Variants in MAP7 observed in about 807,000 individuals in gnomAD.
MAP7 encodes ensconsin.
In MAP7, 52 loss-of-function variants were observed where a neutral mutation model predicts 94.8. The observed-to-expected ratio is 0.55, with a 90% CI of 0.44 to 0.69. The LOEUF is 0.69. MAP7 is among the 30% of genes least tolerant of loss of function. MAP7 has a pLI of 0.00. For synonymous variants in MAP7, 350 were observed against 357.0 expected, an observed-to-expected ratio of 0.98 and a Z score of 0.22; for missense variants, 940 against 964.6, an observed-to-expected ratio of 0.97 and a Z score of 0.34.
intron 1 of MAP7, among the ~76,000 whole-genome samples, chr6:136,463,302 T>C (rs1003409417): frequency 6.6e-6 from 1 of 152,230 alleles, no homozygotes; most frequent in Non-Finnish European, 1.5e-5. Flanking sequence ...AATTTACTGC[T>C]CACAGTAAGA....
At chr6:136,403,490 A>G (rs1784744062) in intron 3 of MAP7, among the ~76,000 whole-genome samples, 1 of 152,232 alleles carries the variant, frequency 6.6e-6, no homozygotes, top group South Asian at 2.1e-4. Flanking sequence ...CTCTAGAAGC[A>G]AACAATGAGC....
chr6:136,420,158 T>C, intron 2 of MAP7: 1 of 916,694 alleles, frequency 1.1e-6, no homozygotes, highest in South Asian at 1.3e-5. Flanking sequence ...TTTGGCACCA[T>C]CTTCATTGTT....
At chr6:136,398,706 G>A (rs1194297552) in intron 3 of MAP7, among the ~76,000 whole-genome samples, 1 of 152,124 alleles carries the variant, frequency 6.6e-6, no homozygotes, top group Non-Finnish European at 1.5e-5. Flanking sequence ...ACGATTCTGA[G>A]GTCTCCTCAG....
At chr6:136,430,076 C>T (rs1391947024) in intron 1 of MAP7, among the ~76,000 whole-genome samples, 1 of 152,168 alleles carries the variant, frequency 6.6e-6, no homozygotes, top group Non-Finnish European at 1.5e-5. Flanking sequence ...AAATCAGAGA[C>T]TGTAGTTATC....
intron 1 of MAP7, among the ~76,000 whole-genome samples, chr6:136,464,725 G>A (rs1370447638): frequency 6.6e-6 from 1 of 152,100 alleles, no homozygotes; most frequent in African/African-American, 2.4e-5. Context: ...GATTAGGTGT[G>A]GTCTCTCCTA....
At chr6:136,488,018 C>T (rs957023205) in intron 1 of MAP7, among the ~76,000 whole-genome samples, 2 of 152,212 alleles carry the variant, frequency 1.3e-5, no homozygotes, top group Non-Finnish European at 2.9e-5. Context: ...GCTTTATTTA[C>T]TTTCACATTA....
chr6:136,505,033 A>G (rs972088592), intron 1 of MAP7, among the ~76,000 whole-genome samples: 1 of 152,072 alleles, frequency 6.6e-6, no homozygotes, highest in African/African-American at 2.4e-5. Context: ...ATGAGTATTT[A>G]TTATGTTGGC....
At chr6:136,453,617 C>T (rs1801852999) in intron 1 of MAP7, among the ~76,000 whole-genome samples, 1 of 152,148 alleles carries the variant, frequency 6.6e-6, no homozygotes, top group African/African-American at 2.4e-5. Flanking sequence ...ATAGAGACTT[C>T]CTGCATTAGA....
chr6:136,446,198 TG>T (rs1799272710), intron 1 of MAP7, among the ~76,000 whole-genome samples: 1 of 151,628 alleles, frequency 6.6e-6, no homozygotes, highest in East Asian at 1.9e-4. Context: ...TCATCAGAGG[TG>T]GACAGGGCAC....
chr6:136,493,121 CTTTTTTTTT>C (rs397795796), intron 1 of MAP7, among the ~76,000 whole-genome samples: 2 of 123,328 alleles, frequency 1.6e-5, no homozygotes, highest in African/African-American at 6.5e-5. Flanking sequence ...TTCTTCTTTC[CTTTTTTTTT>C]TTTTTTTTTT....
intron 3 of MAP7, among the ~76,000 whole-genome samples, chr6:136,395,497 T>C (rs964501722): frequency 6.6e-6 from 1 of 151,780 alleles, no homozygotes; most frequent in African/African-American, 2.4e-5. Flanking sequence ...GCATATATTT[T>C]CTCCCATTCT....
chr6:136,380,119 A>G (rs1314081178), intron 6 of MAP7, among the ~76,000 whole-genome samples: 5 of 152,194 alleles, frequency 3.3e-5, no homozygotes, highest in Admixed American at 3.3e-4. Flanking sequence ...CATCGATCCT[A>G]TTTAAGCACT....
intron 1 of MAP7, among the ~76,000 whole-genome samples, chr6:136,510,476 C>T (rs1822932746): frequency 6.6e-6 from 1 of 152,058 alleles, no homozygotes; most frequent in African/African-American, 2.4e-5. Context: ...GGAAGGAGGA[C>T]TCATAACTGT....
chr6:136,526,987 G>C (rs1562489366), intron 1 of MAP7, among the ~76,000 whole-genome samples: 1 of 152,054 alleles, frequency 6.6e-6, no homozygotes, highest in East Asian at 1.9e-4. Flanking sequence ...ATCACAACGT[G>C]GAGTGTCTCC....
At chr6:136,505,720 G>A (rs564084478) in intron 1 of MAP7, among the ~76,000 whole-genome samples, 11 of 151,944 alleles carry the variant, frequency 7.2e-5, no homozygotes, top group South Asian at 6.2e-4. Context: ...TACAACACCC[G>A]TGACACAAGT....
At chr6:136,455,194 T>G (rs58418326) in intron 1 of MAP7, among the ~76,000 whole-genome samples, 2,408 of 151,930 alleles carry the variant, frequency 0.016, 83 homozygotes, top group East Asian at 0.13. Flanking sequence ...GAAATATGAG[T>G]AGTAGACAGG....
At chr6:136,394,395 T>G (rs1279754113) in intron 3 of MAP7, among the ~76,000 whole-genome samples, 3 of 152,136 alleles carry the variant, frequency 2.0e-5, no homozygotes, top group African/African-American at 7.2e-5. Context: ...GCACATTATT[T>G]TTTATAACCA....
intron 1 of MAP7, among the ~76,000 whole-genome samples, chr6:136,541,692 A>T (rs771400663): frequency 1.3e-5 from 2 of 152,184 alleles, no homozygotes; most frequent in Non-Finnish European, 2.9e-5. Context: ...TTTCTATAGG[A>T]GCATCAAGGA....
chr6:136,371,321 A>G (rs1774434794), intron 8 of MAP7, among the ~76,000 whole-genome samples: 1 of 152,192 alleles, frequency 6.6e-6, no homozygotes, highest in Admixed American at 6.5e-5. Flanking sequence ...CTTTGGGGCC[A>G]ACCTGTTCTG....
Sources: gnomAD v4.1 joint callset for allele counts (sites outside exome capture counted in the v4.1 genomes callset) on GRCh38, gnomAD v4.1.1 for gene constraint, MANE v1.5 for transcripts, NCBI Gene and HGNC (gene_info 2026-07-23, HGNC 2026-07-21) for gene names.